Variants in PDE1A observed in about 807,000 individuals in gnomAD.
PDE1A encodes dual specificity calcium/calmodulin-dependent 3',5'-cyclic nucleotide phosphodiesterase 1A.
PDE1A carries 35 observed loss-of-function variants against 61.7 expected under a neutral mutation model. The observed-to-expected ratio is 0.57, with a 90% CI of 0.43 to 0.75. The LOEUF (loss-of-function observed/expected upper bound fraction) is 0.75. Ranked by LOEUF, PDE1A falls within the 30% of genes least tolerant of loss-of-function variation. The pLI, the probability that PDE1A is intolerant of heterozygous loss-of-function variation, is 0.00. For missense variants in PDE1A, 597 were observed against 630.6 expected, an observed-to-expected ratio of 0.95 and a Z score of 0.57; for synonymous variants, 232 against 213.2, an observed-to-expected ratio of 1.09 and a Z score of -0.77.
At chr2:182,239,213 G>C (rs1690305027) in intron 3 of PDE1A, among the ~76,000 whole-genome samples, 1 of 152,142 alleles carries the variant, frequency 6.6e-6, no homozygotes, top group Admixed American at 6.5e-5. Context: ...AATGCCTAGA[G>C]ATATCAGAAG....
the PDE1A span, among the ~76,000 whole-genome samples, chr2:182,676,080 T>G: frequency 6.6e-6 from 1 of 152,214 alleles, no homozygotes; most frequent in Non-Finnish European, 1.5e-5. Context: ...GTTTTTATAC[T>G]TTTTGGTTTT....
the PDE1A span, among the ~76,000 whole-genome samples, chr2:182,713,336 C>G: frequency 6.6e-6 from 1 of 152,106 alleles, no homozygotes; most frequent in Non-Finnish European, 1.5e-5. Flanking sequence ...ACCCTAATGA[C>G]CTAGCCCAGA....
intron 1 of PDE1A, among the ~76,000 whole-genome samples, chr2:182,389,549 T>C (rs1421293678): frequency 6.6e-6 from 1 of 151,954 alleles, no homozygotes; most frequent in East Asian, 1.9e-4. Context: ...TAACATGCAA[T>C]AAATAAAATA....
At chr2:182,286,178 G>A (rs974269248) in intron 1 of PDE1A, among the ~76,000 whole-genome samples, 6 of 151,992 alleles carry the variant, frequency 3.9e-5, no homozygotes, top group Non-Finnish European at 7.4e-5. Context: ...AGGGCACTTC[G>A]AGAGCTCAAA....
intron 1 of PDE1A, among the ~76,000 whole-genome samples, chr2:182,402,054 C>T (rs1487874779): frequency 2.0e-5 from 3 of 152,264 alleles, no homozygotes; most frequent in Admixed American, 2.0e-4. Context: ...ACATTCCATG[C>T]TCATGAATAG....
the PDE1A span, among the ~76,000 whole-genome samples, chr2:182,541,047 G>A: frequency 2.0e-5 from 3 of 152,102 alleles, no homozygotes; most frequent in East Asian, 1.9e-4. Context: ...AGAAAGGAAC[G>A]ATGGCTGATT....
chr2:182,493,843 CAT>C (rs367721141), intron 2 of PDE1A, among the ~76,000 whole-genome samples: 113 of 152,274 alleles, frequency 7.4e-4, no homozygotes, highest in African/African-American at 2.6e-3. Context: ...CCAAACACCA[CAT>C]GTTAGGCTGG....
chr2:182,652,485 A>G, the PDE1A span, among the ~76,000 whole-genome samples: 922 of 152,284 alleles, frequency 6.1e-3, 14 homozygotes, highest in African/African-American at 0.021. Context: ...GACATACAAT[A>G]GAGATCTGAG....
Position 182,495,009 on chromosome 2 carries a change from T to C in PDE1A, c.101+27267A>G, listed in dbSNP as rs530183902. ...TGACCATTAAGGACTCCCTTTCTCATCCCTAGCTTCAGTGGTCCACTCTGT... is the reference window on the plus strand; with the variant it reads ...TGACCATTAAGGACTCCCTTTCTCACCCCTAGCTTCAGTGGTCCACTCTGT... On this transcript the variant is annotated intron_variant, in intron 2 of 14. Transcript: ENST00000410103. Among the ~76,000 whole-genome samples the C allele has an allele frequency of 5.9e-5, 9 of 152,284 alleles. No individual in the cohort carries two copies. The South Asian group carries it at 1.9e-3, about 32-fold the overall frequency.
upstream of PDE1A, among the ~76,000 whole-genome samples, chr2:182,526,358 A>G (rs1690774028): frequency 6.6e-6 from 1 of 152,214 alleles, no homozygotes; most frequent in Non-Finnish European, 1.5e-5. Flanking sequence ...TTTATCAAAC[A>G]TAGTAATCTA....
rs530371911 is a variant in PDE1A at position 182,297,006 on chromosome 2, C to T, written c.54-32592G>A. Reference sequence around the variant, plus strand: ...ATTCAGACCTGGACTGGAATTACATCACTGCTTTCTTGGGTCTCCAACTTC... The same window carrying T: ...ATTCAGACCTGGACTGGAATTACATTACTGCTTTCTTGGGTCTCCAACTTC... On this transcript the variant is annotated intron_variant, in intron 1 of 13. Coordinates refer to ENST00000351439, the Ensembl canonical transcript of PDE1A. Among the ~76,000 whole-genome samples the T allele has an allele frequency of 2.5e-4, 38 of 152,304 alleles. No individual in the cohort carries two copies. The South Asian group carries it at 7.1e-3, about 28-fold the overall frequency.
intron 2 of PDE1A, among the ~76,000 whole-genome samples, chr2:182,244,929 C>G (rs1690838000): frequency 6.6e-6 from 1 of 152,142 alleles, no homozygotes; most frequent in Admixed American, 6.5e-5. Context: ...AGCTGCAGGT[C>G]TGTTTCTCAA....
chr2:182,309,744 A>G (rs1695841292), intron 1 of PDE1A, among the ~76,000 whole-genome samples: 1 of 152,168 alleles, frequency 6.6e-6, no homozygotes, highest in South Asian at 2.1e-4. Flanking sequence ...TATGCATGAA[A>G]TACAACTGAT....
chr2:182,352,999 T>A (rs1265177742), intron 1 of PDE1A, among the ~76,000 whole-genome samples: 1 of 151,958 alleles, frequency 6.6e-6, no homozygotes, highest in African/African-American at 2.4e-5. Context: ...GGCCTAAGAG[T>A]TCAATGAGAT....
rs146547288 is a variant in PDE1A, at chr2:182,477,695, G to A, written c.101+44581C>T. Among the ~76,000 whole-genome samples the A allele has an allele frequency of 2.8e-3, 431 of 152,028 alleles. 2 individuals are homozygous for A. Among genetic ancestry groups the A allele is most frequent in the Non-Finnish European group, 4.0e-3 (274 of 67,890 alleles). On this transcript the variant is annotated intron_variant, in intron 2 of 14. Coordinates refer to the PDE1A transcript ENST00000410103. ...CCACAAAACAAATCCTAGACATAGA[G>A]AGCATTATCACAGTGATCTCCATTT...
chr2:182,469,444 A>G (rs901805076), intron 2 of PDE1A, among the ~76,000 whole-genome samples: 3 of 151,960 alleles, frequency 2.0e-5, no homozygotes, highest in Non-Finnish European at 4.4e-5. Flanking sequence ...CAGCCTTCAT[A>G]GAATTGAAGA....
intron 1 of PDE1A, among the ~76,000 whole-genome samples, chr2:182,304,116 C>T (rs1157439524): frequency 6.6e-6 from 1 of 152,000 alleles, no homozygotes; most frequent in Non-Finnish European, 1.5e-5. Flanking sequence ...GGCCCTTGAC[C>T]TCGTGATCCT....
At chr2:182,687,064 G>A in the PDE1A span, among the ~76,000 whole-genome samples, 1 of 152,242 alleles carries the variant, frequency 6.6e-6, no homozygotes, top group Non-Finnish European at 1.5e-5. Flanking sequence ...GCCCACCGCA[G>A]CTCAAGGAGG....
rs1011915723 is a variant in PDE1A at position 182,251,776 on chromosome 2, C to T, written c.168-11484G>A. 4.6e-5 allele frequency among the ~76,000 whole-genome samples: 7 copies of T among 152,176 alleles called. No individual in the cohort carries two copies. In the South Asian group the frequency reaches 8.3e-4, roughly 18 times the overall value. On this transcript the variant is annotated intron_variant, in intron 2 of 13. Coordinates refer to ENST00000351439, the Ensembl canonical transcript of PDE1A. ...GATGAGGCATGTTGGTGAATTATAT[C>T]GGGAGGAACAGTCAGAAGAGTCCCC... is the stretch of plus-strand genomic sequence containing the variant.
Sources: allele counts gnomAD v4.1 joint callset (sites outside exome capture counted in the v4.1 genomes callset), GRCh38; gene constraint gnomAD v4.1.1; transcripts MANE v1.5; gene names NCBI Gene and HGNC (gene_info 2026-07-23, HGNC 2026-07-21).